Variants in RNF130 observed in about 807,000 individuals in gnomAD.
RNF130 encodes ring finger protein 130, also known as E3 ubiquitin-protein ligase RNF130.
In RNF130, 21 loss-of-function variants were observed where a neutral mutation model predicts 44.6. The observed-to-expected ratio is 0.47, with a 90% confidence interval of 0.33 to 0.68. RNF130 has a LOEUF of 0.68. Ranked by LOEUF, RNF130 falls within the 30% of genes least tolerant of loss-of-function variation. The pLI is 0.02. For missense variants in RNF130, 479 were observed against 560.6 expected (o/e 0.85, Z 1.47); for synonymous variants, 214 against 210.4 (o/e 1.02, Z -0.15).
At chr5:179,930,055 TTATC>T (rs1405879005) in intron 7 of RNF130, among the ~76,000 whole-genome samples, 2 of 152,172 alleles carry the variant, frequency 1.3e-5, no homozygotes, top group Non-Finnish European at 2.9e-5. Flanking sequence ...TTTTATTTAT[TTATC>T]TTTTATTTAT....
At chr5:179,924,657 C>T (rs780621605) in intron 7 of RNF130, among the ~76,000 whole-genome samples, 5 of 151,952 alleles carry the variant, frequency 3.3e-5, no homozygotes, top group South Asian at 2.1e-4. Context: ...GGCATGGTGG[C>T]GGGTGCCTGT....
At chr5:179,997,804 C>T (rs1271187770) in intron 3 of RNF130, among the ~76,000 whole-genome samples, 1 of 151,278 alleles carries the variant, frequency 6.6e-6, no homozygotes, top group Non-Finnish European at 1.5e-5. Context: ...ATTTGAACTT[C>T]ATTATTTTTT....
At chr5:179,963,445 C>T in intron 8 of RNF130, 26 bp downstream of exon 8, 1 of 1,565,738 alleles carries the variant, frequency 6.4e-7, no homozygotes, top group Non-Finnish European at 8.8e-7. Flanking sequence ...CTGGCACATG[C>T]AATCCAAAAA....
chr5:180,021,845 TC>T (rs1166880459), intron 2 of RNF130, among the ~76,000 whole-genome samples: 5 of 152,136 alleles, frequency 3.3e-5, no homozygotes, highest in Non-Finnish European at 7.4e-5. Context: ...CCGAAGTCCA[TC>T]CAAGCTTCTG....
chr5:180,010,079 C>T (rs1036082858), intron 3 of RNF130, among the ~76,000 whole-genome samples: 20 of 151,808 alleles, frequency 1.3e-4, no homozygotes, highest in Admixed American at 1.1e-3. Context: ...AACCCCATCT[C>T]TACTAAAAAT....
intron 1 of RNF130, among the ~76,000 whole-genome samples, chr5:180,065,560 A>T (rs1234760602): frequency 6.6e-6 from 1 of 152,128 alleles, no homozygotes; most frequent in East Asian, 1.9e-4. Flanking sequence ...GGAGATCGAG[A>T]CCATCCTGGC....
chr5:180,037,218 C>T (rs778672438), intron 2 of RNF130, among the ~76,000 whole-genome samples: 13 of 152,212 alleles, frequency 8.5e-5, no homozygotes, highest in South Asian at 4.1e-4. Flanking sequence ...CACTCTCCTA[C>T]GTGTCGTCCA....
At chr5:180,039,472 A>G (rs1212001296) in intron 2 of RNF130, among the ~76,000 whole-genome samples, 1 of 152,128 alleles carries the variant, frequency 6.6e-6, no homozygotes, top group Non-Finnish European at 1.5e-5. Context: ...TCCTGACCTC[A>G]GGTGATCCTC....
intron 1 of RNF130, among the ~76,000 whole-genome samples, chr5:180,042,437 A>G (rs1764441703): frequency 6.6e-6 from 1 of 152,204 alleles, no homozygotes; most frequent in Admixed American, 6.5e-5. Context: ...CCTCAATCAA[A>G]TTAAACGGGG....
Position 179,974,246 on chromosome 5 carries a change from T to C in RNF130, c.849-3740A>G, listed in dbSNP as rs575646139. Among the ~76,000 whole-genome samples, 3 of 152,300 alleles carry C rather than the reference T, an allele frequency of 2.0e-5. No individual in the cohort carries two copies. The East Asian group carries it at 5.8e-4, about 29-fold the overall frequency. On this transcript the variant is annotated intron_variant, in intron 5 of 8. Transcript: ENST00000521389. ...ACATCTGCAGCGGCCGGCCCCCCGC[T>C]TTAGCTCCTGAAGTGGCATGGAAAC...
chr5:180,065,800 C>G lies in RNF130; in HGVS notation c.247+5656G>C, dbSNP rs1765093178. 4.7e-5 allele frequency among the ~76,000 whole-genome samples: 6 copies of G among 126,752 alleles called. No individual in the cohort carries two copies. In the South Asian group the frequency reaches 2.0e-3, roughly 43 times the overall value. The allele number at this position is 126,752 out of a possible 152,430, so 83.2% of individuals were successfully genotyped here. On this transcript the variant is annotated intron_variant, in intron 1 of 8. Transcript: ENST00000521389. ...ACTATGTAAAGAAAGAGTTCACAAACACAGAAAAAAATGTTTCCTTCCTTT... is the reference window on the plus strand; with the variant it reads ...ACTATGTAAAGAAAGAGTTCACAAAGACAGAAAAAAATGTTTCCTTCCTTT...
chr5:179,957,787 A>T (rs1762241225), intron 8 of RNF130, among the ~76,000 whole-genome samples: 1 of 152,264 alleles, frequency 6.6e-6, no homozygotes, highest in Non-Finnish European at 1.5e-5. Context: ...AATACACCTC[A>T]AACAGAGGTT....
Position 179,969,763 on chromosome 5 carries a change from G to A in RNF130, c.945+647C>T, listed in dbSNP as rs181686176. On this transcript the variant is annotated intron_variant, in intron 6 of 8. Transcript: ENST00000521389. ...CCAGCACTTTGGGAGGCAGAGGCGG[G>A]TGGATCACCTGAGGTCAGGAGTTGG... 5.3e-5 allele frequency among the ~76,000 whole-genome samples: 8 copies of A among 152,296 alleles called. No homozygotes were observed. The East Asian group carries it at 1.4e-3, about 26-fold the overall frequency.
At chr5:179,920,794 TA>T (rs1444355138) in intron 7 of RNF130, among the ~76,000 whole-genome samples, 16 of 130,924 alleles carry the variant, frequency 1.2e-4, no homozygotes, top group African/African-American at 4.0e-4. Flanking sequence ...TATATATATA[TA>T]TTTTTTTTTT....
Position 179,963,484 on chromosome 5 carries a change from A to C in RNF130, c.1231T>G (p.Leu411Val), listed in dbSNP as rs1358716494. 1.9e-6 allele frequency: 3 copies of C among 1,613,654 alleles called. No individual in the cohort carries two copies. Among genetic ancestry groups the C allele is most frequent in the Non-Finnish European group, 1.7e-6 (2 of 1,179,696 alleles). The change falls in exon 8 of 9, where the codon TTG (leucine) becomes GTG (valine). Residue 411 changes from leucine to valine, a missense_variant. Around this residue, in one of 3 missense-constraint regions of RNF130, gnomAD observed 161 missense variants for 158.6 expected, o/e 1.02. Coordinates refer to ENST00000521389, the MANE Select transcript of RNF130 (RefSeq NM_018434.6). Reference protein sequence around the residue: ...CYMIIRATASLNANEVEWF With the variant: ...CYMIIRATASVNANEVEWF Reference sequence around the variant, plus strand: ...TTTGTTACTTACTCATTAGCATTCAAGCTAGCTGTGGCTCTGATGATCATG... The same window carrying C: ...TTTGTTACTTACTCATTAGCATTCACGCTAGCTGTGGCTCTGATGATCATG...
Position 180,071,691 on chromosome 5 carries a change from CG to C in RNF130, c.11del (p.Ala4GlyfsTer15). 1 of 1,378,500 alleles carries C rather than the reference CG, an allele frequency of 7.3e-7. No individual in the cohort carries two copies. The highest frequency in any genetic ancestry group is 1.6e-5 in the South Asian group (1 of 62,564). 85.4% of individuals were successfully genotyped at this position (1,378,500 alleles called of 1,614,324 possible). A position where few individuals can be genotyped will look rare whatever the true frequency, so the allele number is the denominator to read the frequency against. ...CGAGCCGGGCAGGGCCCGCCCGCCC[CG>C]CGCAGCTCATCGTCCCTCCGGCAGC... MSCAGRAGPARLAA... is the reference protein window; with the variant it reads MSCXGRAGPARLAA... On this transcript the variant is annotated frameshift_variant, in exon 1 of 9. Coordinates refer to ENST00000521389, the MANE Select transcript of RNF130 (RefSeq NM_018434.6). LOFTEE classifies it high-confidence loss of function.
rs146053234 is a variant in RNF130, at chr5:179,995,420, G to C, written c.694-15220C>G. Among the ~76,000 whole-genome samples, 22 of 152,292 alleles carry C rather than the reference G, an allele frequency of 1.4e-4. No individual in the cohort carries two copies. In the East Asian group the frequency reaches 4.2e-3, roughly 29 times the overall value. ...AAGCTGTACTCATTTATCATTTCTGGCTGTGTGGGCCCCTTTCCTACCAAA... is the reference window on the plus strand; with the variant it reads ...AAGCTGTACTCATTTATCATTTCTGCCTGTGTGGGCCCCTTTCCTACCAAA... On this transcript the variant is annotated intron_variant, in intron 3 of 8. Coordinates refer to ENST00000521389, the MANE Select transcript of RNF130 (RefSeq NM_018434.6).
intron 1 of RNF130, among the ~76,000 whole-genome samples, chr5:180,061,068 CAAAA>C (rs57744473): frequency 5.6e-5 from 3 of 53,604 alleles, no homozygotes; most frequent in Non-Finnish European, 9.4e-5. Flanking sequence ...GACTCCGTCT[CAAAA>C]AAAAAAAAAA....
At chr5:180,052,478 C>G (rs767092941) in intron 1 of RNF130, among the ~76,000 whole-genome samples, 1 of 152,226 alleles carries the variant, frequency 6.6e-6, no homozygotes, top group Non-Finnish European at 1.5e-5. Context: ...TCCAGAGCAG[C>G]GCCTGAAGGC....
Sources: allele counts gnomAD v4.1 joint callset (sites outside exome capture counted in the v4.1 genomes callset), GRCh38; gene constraint gnomAD v4.1.1; regional missense constraint gnomAD v4.1.1; transcripts MANE v1.5; gene names NCBI Gene and HGNC (gene_info 2026-07-23, HGNC 2026-07-21).